C1orf21: variants seen among roughly 807,000 people sequenced by gnomAD.
C1orf21 encodes uncharacterized protein C1orf21.
C1orf21 carries 3 observed loss-of-function variants against 18.7 expected under a neutral mutation model. The observed-to-expected ratio is 0.16, with a 90% CI of 0.07 to 0.42. The LOEUF is 0.42. C1orf21 is among the 10% of genes least tolerant of loss of function. C1orf21 has a pLI of 0.99. For synonymous variants in C1orf21, 41 were observed against 46.4 expected, an observed-to-expected ratio of 0.88 and a Z score of 0.47; for missense variants, 104 against 143.6, an observed-to-expected ratio of 0.72 and a Z score of 1.41.
chr1:184,429,529 G>A (rs1353701483), intron 1 of C1orf21, among the ~76,000 whole-genome samples: 2 of 152,160 alleles, frequency 1.3e-5, no homozygotes, highest in Non-Finnish European at 2.9e-5. Context: ...TGGATGTTAT[G>A]TTGAGGTGTC....
intron 5 of C1orf21, among the ~76,000 whole-genome samples, chr1:184,607,394 C>T (rs1659662401): frequency 6.6e-6 from 1 of 152,034 alleles, no homozygotes; most frequent in Admixed American, 6.6e-5. Context: ...GATTTGTAGG[C>T]ATAATATATA....
intron 3 of C1orf21, among the ~76,000 whole-genome samples, chr1:184,571,228 C>G (rs1164908518): frequency 7.5e-6 from 1 of 134,134 alleles, no homozygotes; most frequent in African/African-American, 2.8e-5. Flanking sequence ...ACCCGGGAGG[C>G]GGAGCTTGCA....
rs193120610 is a variant in C1orf21 at position 184,427,211 on chromosome 1, T to C, written c.-125+39843T>C. Among the ~76,000 whole-genome samples the C allele has an allele frequency of 1.3e-3, 192 of 152,340 alleles. 1 individual carries two copies. Among genetic ancestry groups the C allele is most frequent in the African/African-American group, 4.5e-3 (188 of 41,582 alleles). On this transcript the variant is annotated intron_variant, in intron 1 of 5. Transcript: ENST00000235307. ...TAAAAGTTAACTTGAGATGATATTC[T>C]TAGTGAATCCTTGTTAGTGCCTAGT... is the stretch of plus-strand genomic sequence containing the variant.
chr1:184,404,322 A>G lies in C1orf21; in HGVS notation c.-125+16954A>G, dbSNP rs1382795632. 2.0e-5 allele frequency among the ~76,000 whole-genome samples: 3 copies of G among 152,182 alleles called. No individual in the cohort carries two copies. The East Asian group carries it at 5.8e-4, about 29-fold the overall frequency. On this transcript the variant is annotated intron_variant, in intron 1 of 5. Coordinates refer to ENST00000235307, the MANE Select transcript of C1orf21 (RefSeq NM_030806.4). The stretch of plus-strand genomic sequence containing the variant: ...CATTTTGTGCTGCTATAACAGAACA[A>G]CTGAGACTGGGTAATTTATAAAGAA...
intron 5 of C1orf21, among the ~76,000 whole-genome samples, chr1:184,601,402 A>T (rs1253865911): frequency 6.6e-6 from 1 of 152,210 alleles, no homozygotes; most frequent in Non-Finnish European, 1.5e-5. Flanking sequence ...CTCAAAATAG[A>T]TGTAAAAGCA....
At chr1:184,487,742 A>T (rs551265080) in intron 2 of C1orf21, among the ~76,000 whole-genome samples, 1 of 152,316 alleles carries the variant, frequency 6.6e-6, no homozygotes, top group Admixed American at 6.5e-5. Flanking sequence ...TTGTTTTCAG[A>T]TCCTGGCTCG....
At chr1:184,555,632 C>A (rs1162536193) in intron 3 of C1orf21, among the ~76,000 whole-genome samples, 1 of 152,018 alleles carries the variant, frequency 6.6e-6, no homozygotes, top group Non-Finnish European at 1.5e-5. Context: ...CAGCCTTGTG[C>A]CCCCATTTTT....
intron 1 of C1orf21, among the ~76,000 whole-genome samples, chr1:184,456,000 G>A (rs1657192662): frequency 1.3e-5 from 2 of 152,134 alleles, no homozygotes; most frequent in Non-Finnish European, 1.5e-5. Context: ...GGTTTTTCCT[G>A]TAAATGAGTA....
intron 2 of C1orf21, among the ~76,000 whole-genome samples, chr1:184,507,160 A>G (rs1008096986): frequency 2.0e-5 from 3 of 152,188 alleles, no homozygotes; most frequent in Non-Finnish European, 1.5e-5. Context: ...AAGAATGAAT[A>G]TGTCACTGAA....
intron 1 of C1orf21, among the ~76,000 whole-genome samples, chr1:184,433,356 A>T (rs554158109): frequency 2.9e-4 from 44 of 152,234 alleles, no homozygotes; most frequent in African/African-American, 1.0e-3. Flanking sequence ...TTTATAGAGG[A>T]CTGGTTTAAA....
intron 2 of C1orf21, among the ~76,000 whole-genome samples, chr1:184,497,799 G>A (rs1657915370): frequency 6.6e-6 from 1 of 152,090 alleles, no homozygotes; most frequent in South Asian, 2.1e-4. Flanking sequence ...GCCAGCTTCA[G>A]CCCAGAGACA....
In C1orf21 at chr1:184,546,057, C is replaced by T. The variant is rs185588855; in HGVS notation, c.189+38375C>T. 68 of 152,368 alleles carry T rather than the reference C, an allele frequency of 4.5e-4. 1 individual carries two copies. The highest frequency in any genetic ancestry group is 4.3e-3 in the Admixed American group (66 of 15,304). 9.4% of individuals were successfully genotyped at this position (152,368 alleles called of 1,614,324 possible). ...AGTAAGTATAAGTAAATCTGCTAGACACCTCCATCTTGCCCTAAGTCTGGT... is the reference window on the plus strand; with the variant it reads ...AGTAAGTATAAGTAAATCTGCTAGATACCTCCATCTTGCCCTAAGTCTGGT... On this transcript the variant is annotated intron_variant, in intron 3 of 5. Transcript: ENST00000235307.
chr1:184,567,956 A>C (rs1571281113), intron 3 of C1orf21: 1 of 190,880 alleles, frequency 5.2e-6, no homozygotes, highest in South Asian at 1.1e-4. Context: ...ATAATCCACA[A>C]CCCAGCCATT....
At chr1:184,395,459 A>T (rs899499395) in intron 1 of C1orf21, among the ~76,000 whole-genome samples, 3 of 152,146 alleles carry the variant, frequency 2.0e-5, no homozygotes, top group Non-Finnish European at 4.4e-5. Context: ...TTATTCACTC[A>T]GATAATTTAT....
chr1:184,615,697 T>G (rs1659810227), intron 5 of C1orf21, among the ~76,000 whole-genome samples: 1 of 152,232 alleles, frequency 6.6e-6, no homozygotes, highest in Non-Finnish European at 1.5e-5. Flanking sequence ...CTCCCTGTCC[T>G]GCCCAGTAGG....
At chr1:184,501,735 A>G (rs927646105) in intron 2 of C1orf21, among the ~76,000 whole-genome samples, 6 of 152,222 alleles carry the variant, frequency 3.9e-5, no homozygotes, top group Non-Finnish European at 4.4e-5. Flanking sequence ...ACTTGACTCA[A>G]GGACAGAAAG....
intron 3 of C1orf21, among the ~76,000 whole-genome samples, chr1:184,571,941 T>C (rs1363321847): frequency 6.6e-6 from 1 of 152,240 alleles, no homozygotes; most frequent in Non-Finnish European, 1.5e-5. Context: ...TTACCTCATA[T>C]AGTTGTTATG....
At chr1:184,573,757 C>T (rs1019189699) in intron 3 of C1orf21, among the ~76,000 whole-genome samples, 1 of 152,138 alleles carries the variant, frequency 6.6e-6, no homozygotes, top group African/African-American at 2.4e-5. Context: ...CAGGTTCATT[C>T]ATACCCCAAA....
At chr1:184,391,938 C>T (rs186163268) in intron 1 of C1orf21, among the ~76,000 whole-genome samples, 1 of 152,244 alleles carries the variant, frequency 6.6e-6, no homozygotes, top group East Asian at 1.9e-4. Context: ...GATCTCTTGA[C>T]CTCAAGTGAT....
Sources: gnomAD v4.1 joint callset for allele counts (sites outside exome capture counted in the v4.1 genomes callset) on GRCh38, gnomAD v4.1.1 for gene constraint, MANE v1.5 for transcripts, NCBI Gene and HGNC (gene_info 2026-07-23, HGNC 2026-07-21) for gene names.